The following FAM83G variants were observed in gnomAD, a reference collection of about 807,000 sequenced individuals.
The protein encoded by FAM83G is scaffolding CK1 anchoring protein G.
A neutral mutation model predicts 61.5 loss-of-function variants in FAM83G; 38 were observed. The ratio of observed to expected loss-of-function variants is 0.62; its 90% confidence interval spans 0.48 to 0.81. The LOEUF (loss-of-function observed/expected upper bound fraction) is 0.81, where lower values mean the gene tolerates loss of function less well. FAM83G is among the 30% of genes least tolerant of loss of function. FAM83G has a pLI of 0.00. For synonymous variants in FAM83G, 470 were observed against 476.1 expected (o/e 0.99, Z 0.17); for missense variants, 989 against 1,133.6 (o/e 0.87, Z 1.83).
chr17:18,997,232 C>A (rs1287136202), intron 2 of FAM83G, among the ~76,000 whole-genome samples: 4 of 152,226 alleles, frequency 2.6e-5, no homozygotes, highest in African/African-American at 7.2e-5. Flanking sequence ...AAGGCACTAC[C>A]CTGAGTCTCC....
chr17:18,995,185 T>C (rs888699875), intron 2 of FAM83G, among the ~76,000 whole-genome samples: 6 of 151,822 alleles, frequency 4.0e-5, no homozygotes, highest in Non-Finnish European at 8.8e-5. Flanking sequence ...TCCATCAAAA[T>C]CAACCAAAAA....
chr17:18,989,770 T>C (rs576877306), intron 2 of FAM83G, among the ~76,000 whole-genome samples: 2 of 152,302 alleles, frequency 1.3e-5, no homozygotes, highest in South Asian at 4.1e-4. Flanking sequence ...ACAGGCACCA[T>C]GGTGGTGACA....
intron 2 of FAM83G, among the ~76,000 whole-genome samples, chr17:18,988,886 T>G (rs951814401): frequency 6.6e-6 from 1 of 152,134 alleles, no homozygotes; most frequent in Non-Finnish European, 1.5e-5. Flanking sequence ...TGGCTCAGGG[T>G]GGGGCCCCAG....
rs373804510 is a variant in FAM83G, at chr17:18,970,946, G to A, written c.*413C>T. ...GAAGTTTCTTGTGAGATGAAGGCAG[G>A]GGGGAGCCCAGGGAGTCAGGGCCCC... On this transcript the variant is annotated 3_prime_UTR_variant, in exon 6 of 6. Transcript: ENST00000388995. 33 of 1,485,926 alleles carry A rather than the reference G, an allele frequency of 2.2e-5. No individual in the cohort carries two copies. Among genetic ancestry groups the A allele is most frequent in the Admixed American group, 5.1e-5 (3 of 59,160 alleles). 92.0% of individuals were successfully genotyped at this position (1,485,926 alleles called of 1,614,324 possible).
chr17:18,983,113 G>A (rs1262671656), intron 3 of FAM83G, among the ~76,000 whole-genome samples: 1 of 152,234 alleles, frequency 6.6e-6, no homozygotes, highest in Non-Finnish European at 1.5e-5. Context: ...AGCCGTACTG[G>A]GTGGGTGGTT....
Position 18,977,595 on chromosome 17 carries a change from T to C in FAM83G, c.2071A>G (p.Lys691Glu). 6.2e-7 allele frequency: 1 copy of C among 1,608,540 alleles called. No homozygotes were observed. Among genetic ancestry groups the C allele is most frequent in the South Asian group, 1.1e-5 (1 of 91,016 alleles). ...KRMQAQRSTD[K>E]EAQGQQFHHH... ...GGACCCTGACCCACCTGTGCCTCCT[T>C]GTCTGTGGAGCGCTGGGCCTGCATC... Residue 691 changes from lysine (K) to glutamate (E), a missense_variant, in exon 5 of 6, where the codon AAG (lysine) becomes GAG (glutamate). Coordinates refer to ENST00000388995, the MANE Select transcript of FAM83G (RefSeq NM_001039999.3).
intron 2 of FAM83G, among the ~76,000 whole-genome samples, chr17:18,994,561 G>A (rs2043515915): frequency 6.6e-6 from 1 of 152,152 alleles, no homozygotes; most frequent in Non-Finnish European, 1.5e-5. Context: ...GAAAGGGGAG[G>A]CTGAGCAGAG....
At chr17:18,981,057 T>C (rs1346662934) in intron 3 of FAM83G, among the ~76,000 whole-genome samples, 1 of 152,168 alleles carries the variant, frequency 6.6e-6, no homozygotes, top group African/African-American at 2.4e-5. Context: ...CTCATTCACA[T>C]AGTCATCAAC....
At chr17:18,978,998 G>T in intron 4 of FAM83G, 148 bp from the exon 5 acceptor site, 1 of 876,624 alleles carries the variant, frequency 1.1e-6, no homozygotes, top group Non-Finnish European at 1.7e-6. Flanking sequence ...GGTGCATACT[G>T]TGGGGTCAGA....
rs760840236 is a variant in FAM83G, at chr17:19,003,733, C to T, written c.309G>A (p.Gly103=). Residue 103 remains glycine (G), a synonymous_variant, in exon 2 of 6, where the codon GGG becomes GGA. Coordinates refer to ENST00000388995, the MANE Select transcript of FAM83G (RefSeq NM_001039999.3). This position sits in a 1 kb window ranked among gnomAD's most constrained non-coding sequence, Gnocchi z 4.5. The stretch of plus-strand genomic sequence containing the variant: ...CGGCCTCGATGGGGACCCCATCCGC[C>T]CCGCTGGCTTCCTCGCCGTCGCCGA... ...NGVGDGEEAS[G]ADGVPIEAEP... The T allele has an allele frequency of 6.2e-7, 1 of 1,605,130 alleles. No homozygotes were observed. The highest frequency in any genetic ancestry group is 8.5e-7 in the Non-Finnish European group (1 of 1,175,748).
At chr17:18,992,643 A>C (rs1323435110) in intron 2 of FAM83G, among the ~76,000 whole-genome samples, 1 of 152,166 alleles carries the variant, frequency 6.6e-6, no homozygotes, top group Non-Finnish European at 1.5e-5. Flanking sequence ...TCGGTCCAGC[A>C]CCGGCGCCCA....
In FAM83G at chr17:18,970,492, C is replaced by G. The variant is rs115987627; in HGVS notation, c.*867G>C. 8.4e-3 allele frequency: 1,401 copies of G among 167,664 alleles called. 20 individuals carry two copies. Among genetic ancestry groups the G allele is most frequent in the African/African-American group, 0.032 (1,332 of 41,750 alleles). 10.4% of individuals were successfully genotyped at this position (167,664 alleles called of 1,614,324 possible). On this transcript the variant is annotated 3_prime_UTR_variant, in exon 6 of 6. Transcript: ENST00000388995. ...ATGGTCTATATGGTCTTGGTGGAGGCCCCATCCCTCTCTGGACCTGTCTCC... is the reference window on the plus strand; with the variant it reads ...ATGGTCTATATGGTCTTGGTGGAGGGCCCATCCCTCTCTGGACCTGTCTCC...
upstream of FAM83G, among the ~76,000 whole-genome samples, chr17:19,005,834 T>C (rs1164995113): frequency 6.6e-6 from 1 of 152,128 alleles, no homozygotes; most frequent in Non-Finnish European, 1.5e-5. Context: ...CTACTGAACA[T>C]AGTGGCCCCT....
chr17:18,974,281 C>T (rs1275452254), intron 5 of FAM83G, among the ~76,000 whole-genome samples: 3 of 152,254 alleles, frequency 2.0e-5, no homozygotes, highest in South Asian at 2.1e-4. Context: ...CCATCTTGGC[C>T]TCCCAAAGTG....
intron 5 of FAM83G, among the ~76,000 whole-genome samples, chr17:18,975,345 G>A (rs77345129): frequency 0.018 from 2,672 of 152,300 alleles, 73 homozygotes; most frequent in African/African-American, 0.061. Context: ...CAGCTTAGGG[G>A]TAAATGCTGG....
chr17:18,992,248 A>G (rs1567800479), intron 2 of FAM83G, among the ~76,000 whole-genome samples: 1 of 151,218 alleles, frequency 6.6e-6, no homozygotes. Context: ...CGAATCCCCC[A>G]CCTCCCTCTG....
chr17:18,989,618 T>A (rs2043359841), intron 2 of FAM83G, among the ~76,000 whole-genome samples: 1 of 152,214 alleles, frequency 6.6e-6, no homozygotes, highest in Non-Finnish European at 1.5e-5. Context: ...GGAGCACACC[T>A]GAATACCGCA....
In FAM83G at chr17:19,003,716, A is replaced by G. The variant is rs2074283; in HGVS notation, c.326T>C (p.Ile109Thr). ...CAGGGAGGGCAGCGGCTCGGCCTCGATGGGGACCCCATCCGCCCCGCTGGC... is the reference window on the plus strand; with the variant it reads ...CAGGGAGGGCAGCGGCTCGGCCTCGGTGGGGACCCCATCCGCCCCGCTGGC... ...EEASGADGVP[I>T]EAEPLPSLEY... Residue 109 changes from isoleucine (I) to threonine (T), a missense_variant, in exon 2 of 6, where the codon ATC (isoleucine) becomes ACC (threonine). By Grantham distance (89) the Ile-to-Thr change is moderately conservative (BLOSUM62 -1). Coordinates refer to ENST00000388995, the MANE Select transcript of FAM83G (RefSeq NM_001039999.3). The surrounding 1 kb of genome is among the most constrained non-coding windows in gnomAD (Gnocchi z 4.5). The G allele has an allele frequency of 0.074, 117,956 of 1,604,718 alleles. 14,205 individuals carry two copies. Among genetic ancestry groups the G allele is most frequent in the East Asian group, 0.39 (17,162 of 44,446 alleles).
chr17:18,994,523 A>G (rs1482595504), intron 2 of FAM83G, among the ~76,000 whole-genome samples: 1 of 152,222 alleles, frequency 6.6e-6, no homozygotes, highest in African/African-American at 2.4e-5. Context: ...ACGTGAGGAA[A>G]CTACTGAGGC....
Sources: allele counts gnomAD v4.1 joint callset (sites outside exome capture counted in the v4.1 genomes callset), GRCh38; gene constraint gnomAD v4.1.1; non-coding constraint Gnocchi (gnomAD v3.1); transcripts MANE v1.5; gene names NCBI Gene and HGNC (gene_info 2026-07-23, HGNC 2026-07-21).